PTK2B: variants seen among roughly 807,000 people sequenced by gnomAD.
PTK2B encodes protein tyrosine kinase 2 beta.
In PTK2B, 71 loss-of-function variants were observed where a neutral mutation model predicts 142.9. That is an observed-to-expected ratio of 0.50 (90% CI 0.41 to 0.61). The LOEUF (loss-of-function observed/expected upper bound fraction) is 0.61. Ranked by LOEUF, PTK2B falls within the 20% of genes least tolerant of loss-of-function variation. The pLI is 0.00. For synonymous variants in PTK2B, 519 were observed against 503.4 expected (o/e 1.03, Z -0.42); for missense variants, 1,105 against 1,320.4 (o/e 0.84, Z 2.53).
At chr8:27,331,835 C>T (rs994732765) in intron 1 of PTK2B, among the ~76,000 whole-genome samples, 5 of 152,160 alleles carry the variant, frequency 3.3e-5, no homozygotes, top group African/African-American at 1.2e-4. Context: ...TGTACTATGT[C>T]CATCCCACTG....
chr8:27,454,306 G>T lies in PTK2B; in HGVS notation c.2733+15G>T, dbSNP rs781524974. ...TGGTGGTGAAGGTGAGAGCAGGGCT[G>T]GGTTGGGGAGGTGGAGGCGGCTCAA... On this transcript the variant is annotated intron_variant, in intron 29 of 30. Transcript: ENST00000346049. The T allele has an allele frequency of 3.7e-6, 6 of 1,607,352 alleles. No homozygotes were observed. Among genetic ancestry groups the T allele is most frequent in the Non-Finnish European group, 5.1e-6 (6 of 1,177,008 alleles).
At chr8:27,320,216 A>G (rs372959435) in intron 3 of PTK2B, among the ~76,000 whole-genome samples, 2 of 152,138 alleles carry the variant, frequency 1.3e-5, no homozygotes, top group African/African-American at 4.8e-5. Context: ...TCTTCACCCA[A>G]TAAAACCCTG....
intron 10 of PTK2B, 132 bp from the exon 11 acceptor site, chr8:27,433,303 A>G: frequency 1.3e-6 from 1 of 743,088 alleles, no homozygotes; most frequent in South Asian, 1.7e-5. Flanking sequence ...GCAGGGCCCC[A>G]GGAGAGGTGC....
At chr8:27,357,505 C>T (rs540877568) in intron 1 of PTK2B, among the ~76,000 whole-genome samples, 7 of 152,328 alleles carry the variant, frequency 4.6e-5, no homozygotes, top group Non-Finnish European at 7.4e-5. Flanking sequence ...GGGGCCACCC[C>T]GTGCCTGCCA....
At chr8:27,424,929 A>G (rs1809984597) in intron 5 of PTK2B, among the ~76,000 whole-genome samples, 1 of 152,072 alleles carries the variant, frequency 6.6e-6, no homozygotes, top group South Asian at 2.1e-4. Flanking sequence ...TATGCCTGAG[A>G]TATGAGATTA....
chr8:27,408,184 G>T (rs1487882686), intron 2 of PTK2B, among the ~76,000 whole-genome samples: 2 of 143,240 alleles, frequency 1.4e-5, no homozygotes, highest in African/African-American at 2.5e-5. Flanking sequence ...CCCAAGGTGG[G>T]TCATAGAAAC....
rs772278605 is a variant in PTK2B at position 27,422,389 on chromosome 8, TGGCCCTGAGGCCTCTGCTGGGAG to T, written c.551+10_551+32del. The stretch of plus-strand genomic sequence containing the variant: ...CTGGGCTGCCTGGAGCTCAGGTATG[TGGCCCTGAGGCCTCTGCTGGGAG>T]GGCGCTGTGCTGAGCTCTGGGCAGG... On this transcript the variant is annotated splice_region_variant and intron_variant, in intron 5 of 30. Transcript: ENST00000346049. 4 of 1,609,318 alleles carry T rather than the reference TGGCCCTGAGGCCTCTGCTGGGAG, an allele frequency of 2.5e-6. No individual in the cohort carries two copies. The African/African-American group carries it at 5.3e-5, about 22-fold the overall frequency.
At position 27,448,409 on chromosome 8, in the gene PTK2B, C is replaced by T. The variant is rs112206552; in HGVS notation, c.2341-2340C>T. Among the ~76,000 whole-genome samples the T allele has an allele frequency of 2.3e-3, 350 of 152,290 alleles. 1 individual carries two copies. Among genetic ancestry groups the T allele is most frequent in the African/African-American group, 7.7e-3 (321 of 41,568 alleles). ...CATTACCTAATAAGAATATTGGAGG[C>T]GCATTTCAGCAAAACCAACCTCAAA... is the stretch of plus-strand genomic sequence containing the variant. On this transcript the variant is annotated intron_variant, in intron 24 of 30. Transcript: ENST00000346049.
At chr8:27,340,029 C>G (rs1442857023) in intron 1 of PTK2B, among the ~76,000 whole-genome samples, 3 of 152,222 alleles carry the variant, frequency 2.0e-5, no homozygotes, top group Admixed American at 2.0e-4. Context: ...TATGTGCTTC[C>G]TTGAAGCCAT....
Position 27,432,337 on chromosome 8 carries a change from G to A in PTK2B, c.963G>A (p.Gln321=), listed in dbSNP as rs766585609. The change falls in exon 10 of 31, where the codon CAG becomes CAA. Residue 321 remains glutamine, a synonymous_variant. Coordinates refer to ENST00000346049, the MANE Select transcript of PTK2B (RefSeq NM_173176.3). ...LPLEEGQAVL[Q]LGIEGAPQAL... is the part of the protein sequence containing the mutation. Reference sequence around the variant, plus strand: ...TGGAGGAGGGCCAGGCAGTACTTCAGCTGGGCATTGAAGGTGCCCCCCAGG... The same window carrying A: ...TGGAGGAGGGCCAGGCAGTACTTCAACTGGGCATTGAAGGTGCCCCCCAGG... 1 of 1,613,982 alleles carries A rather than the reference G, an allele frequency of 6.2e-7. No individual in the cohort carries two copies. Among genetic ancestry groups the A allele is most frequent in the South Asian group, 1.1e-5 (1 of 91,070 alleles).
At chr8:27,392,623 C>T (rs1156778448) in intron 1 of PTK2B, among the ~76,000 whole-genome samples, 1 of 152,130 alleles carries the variant, frequency 6.6e-6, no homozygotes, top group Non-Finnish European at 1.5e-5. Context: ...GGGAGCAGAA[C>T]ACAGGCAGGG....
chr8:27,453,032 G>A (rs544040828), intron 27 of PTK2B, 82 bp from the exon 28 acceptor site: 2 of 1,512,876 alleles, frequency 1.3e-6, no homozygotes, highest in Admixed American at 3.4e-5. Flanking sequence ...GAGGGGAAGG[G>A]GCTCATTTGA....
chr8:27,339,137 C>T (rs1018808019), intron 1 of PTK2B, among the ~76,000 whole-genome samples: 19 of 152,314 alleles, frequency 1.2e-4, no homozygotes, highest in African/African-American at 3.8e-4. Context: ...ACTAAGGCTG[C>T]GCAGGGTCCT....
At chr8:27,419,474 C>G (rs1438552256) in intron 2 of PTK2B, among the ~76,000 whole-genome samples, 1 of 152,208 alleles carries the variant, frequency 6.6e-6, no homozygotes, top group Non-Finnish European at 1.5e-5. Flanking sequence ...TGTGTGGATT[C>G]AATGAAATCA....
intron 29 of PTK2B, 44 bp downstream of exon 29, chr8:27,454,335 C>G (rs774375387): frequency 2.5e-6 from 4 of 1,597,132 alleles, no homozygotes; most frequent in Non-Finnish European, 2.6e-6. Flanking sequence ...GGCTCAAGTC[C>G]GCCCTGGAAG....
intron 2 of PTK2B, among the ~76,000 whole-genome samples, chr8:27,400,790 G>A (rs536594222): frequency 9.8e-5 from 15 of 152,310 alleles, no homozygotes; most frequent in Middle Eastern, 3.4e-3. Flanking sequence ...ACACCCCCAC[G>A]GAGGAGCGTG....
At position 27,454,607 on chromosome 8, in the gene PTK2B, C is replaced by T. The variant is rs2132531253; in HGVS notation, c.2810C>T (p.Thr937Ile). ...LLPSLPSSSR[T>I]EIEGTQKLLN... is the part of the protein sequence containing the mutation. ...CCTTCCTTGCCGTCATCTTCACGGA[C>T]AGAGGTGAGCGTCCCATTCCAGACA... Residue 937 changes from threonine to isoleucine, a missense_variant, in exon 30 of 31, where the codon ACA (threonine) becomes ATA (isoleucine). Physicochemically the swap from Thr to Ile is moderately conservative, Grantham distance 89. Transcript: ENST00000346049. 2.5e-6 allele frequency: 4 copies of T among 1,613,926 alleles called. No homozygotes were observed. In the South Asian group the frequency reaches 3.3e-5, roughly 13 times the overall value.
chr8:27,383,852 A>ATTTTTTTTTTTTTT lies in PTK2B; in HGVS notation c.-37-13683_-37-13682insTTTTTTTTTTTTTT, dbSNP rs749255419. Among the ~76,000 whole-genome samples the ATTTTTTTTTTTTTT allele has an allele frequency of 9.7e-3, 1,132 of 116,396 alleles. 50 individuals carry two copies. The highest frequency in any genetic ancestry group is 0.033 in the African/African-American group (1,076 of 32,842). 76.4% of individuals were successfully genotyped at this position (116,396 alleles called of 152,430 possible). ...AGGTGTGCACCACCACACCTGGCTA[A>ATTTTTTTTTTTTTT]TTTTTTTTTTTTTGAGACAGAGTTT... On this transcript the variant is annotated intron_variant, in intron 1 of 30. Coordinates refer to ENST00000346049, the MANE Select transcript of PTK2B (RefSeq NM_173176.3).
At chr8:27,348,521 T>C (rs1275492784) in intron 1 of PTK2B, among the ~76,000 whole-genome samples, 2 of 152,118 alleles carry the variant, frequency 1.3e-5, no homozygotes, top group African/African-American at 4.8e-5. Context: ...TAGCAACCGG[T>C]AAGGGAAGTG....
Sources: gnomAD v4.1 joint callset for allele counts (sites outside exome capture counted in the v4.1 genomes callset) on GRCh38, gnomAD v4.1.1 for gene constraint, MANE v1.5 for transcripts, NCBI Gene and HGNC (gene_info 2026-07-23, HGNC 2026-07-21) for gene names.